ADARB2: variants seen among roughly 807,000 people sequenced by gnomAD.
ADARB2 encodes adenosine deaminase RNA specific B2 (inactive).
ADARB2 carries 25 observed loss-of-function variants against 62.2 expected under a neutral mutation model. The observed-to-expected ratio is 0.40, with a 90% CI of 0.29 to 0.56. The LOEUF (loss-of-function observed/expected upper bound fraction) is 0.56, where lower values mean the gene tolerates loss of function less well. ADARB2 is among the 20% of genes least tolerant of loss of function. ADARB2 has a pLI of 0.43. For missense variants in ADARB2, 1,071 were observed against 1,077.4 expected, an observed-to-expected ratio of 0.99 and a Z score of 0.08; for synonymous variants, 572 against 500.8, an observed-to-expected ratio of 1.14 and a Z score of -1.90.
chr10:1,524,889 C>A (rs904157494), intron 1 of ADARB2, among the ~76,000 whole-genome samples: 1 of 152,146 alleles, frequency 6.6e-6, no homozygotes, highest in Non-Finnish European at 1.5e-5. Context: ...ATGAAATACA[C>A]AGAAAATAGT....
intron 1 of ADARB2, among the ~76,000 whole-genome samples, chr10:1,614,682 C>G (rs1050617995): frequency 6.6e-6 from 1 of 152,130 alleles, no homozygotes; most frequent in Admixed American, 6.5e-5. Flanking sequence ...GAGGCCGAGG[C>G]GGGCGGATCA....
intron 6 of ADARB2, among the ~76,000 whole-genome samples, chr10:1,233,323 A>C (rs369434741): frequency 9.2e-5 from 14 of 152,136 alleles, no homozygotes; most frequent in African/African-American, 3.4e-4. Flanking sequence ...TTCCTCCCCA[A>C]CGCTGTGAGC....
chr10:1,694,589 G>T (rs11250736), intron 1 of ADARB2, among the ~76,000 whole-genome samples: 10,615 of 152,222 alleles, frequency 0.07, 432 homozygotes, highest in East Asian at 0.2. Flanking sequence ...GGGGAATGGT[G>T]GGGTCTGACT....
chr10:1,191,012 T>A (rs1245951722), intron 8 of ADARB2, among the ~76,000 whole-genome samples: 1 of 150,434 alleles, frequency 6.6e-6, no homozygotes, highest in African/African-American at 2.5e-5. Flanking sequence ...GTTTGCACGC[T>A]CTGGGCCCCA....
chr10:1,376,766 G>A (rs970794187), intron 2 of ADARB2, among the ~76,000 whole-genome samples: 5 of 151,644 alleles, frequency 3.3e-5, no homozygotes, highest in African/African-American at 7.3e-5. Context: ...AGCTCCAGCC[G>A]GGATCCCAGC....
Position 1,477,197 on chromosome 10 carries a change from T to A in ADARB2, c.101-98037A>T, listed in dbSNP as rs545213905. 2.0e-5 allele frequency among the ~76,000 whole-genome samples: 3 copies of A among 152,204 alleles called. No homozygotes were observed. In the South Asian group the frequency reaches 6.2e-4, roughly 32 times the overall value. On this transcript the variant is annotated intron_variant, in intron 1 of 9. Transcript: ENST00000381312. This position sits in a 1 kb window ranked among gnomAD's most constrained non-coding sequence, Gnocchi z 4.5. ...TGACCCATGGCTAACACCACTTCCT[T>A]ACAGGAGAAGTGACTGCACTGATCA... is the stretch of plus-strand genomic sequence containing the variant.
chr10:1,196,206 C>CTTTTTTT (rs10665720), intron 8 of ADARB2, among the ~76,000 whole-genome samples: 1 of 120,928 alleles, frequency 8.3e-6, no homozygotes, highest in African/African-American at 3.2e-5. Context: ...CTTCTTTTGC[C>CTTTTTTT]TTTTTTTTTT....
chr10:1,199,704 A>T, intron 8 of ADARB2: 1 of 408,346 alleles, frequency 2.4e-6, no homozygotes, highest in Non-Finnish European at 4.3e-6. Context: ...TTCTGTTTTC[A>T]GAACTCCTTC....
At chr10:1,262,880 C>G (rs954000940) in intron 4 of ADARB2, among the ~76,000 whole-genome samples, 13 of 152,072 alleles carry the variant, frequency 8.5e-5, no homozygotes, top group African/African-American at 3.1e-4. Context: ...TGGAACCAAG[C>G]CATATGTCCA....
intron 1 of ADARB2, among the ~76,000 whole-genome samples, chr10:1,593,505 T>C (rs1308804098): frequency 6.6e-6 from 1 of 152,268 alleles, no homozygotes; most frequent in East Asian, 1.9e-4. Context: ...TTTAGGTGAC[T>C]GGTAATTAGA....
chr10:1,712,702 G>A (rs1471901548), intron 1 of ADARB2, among the ~76,000 whole-genome samples: 8 of 143,164 alleles, frequency 5.6e-5, no homozygotes, highest in East Asian at 2.1e-4. Flanking sequence ...TCTGCCTCCC[G>A]GGTTCACGCC....
chr10:1,621,005 C>T (rs2132026799), intron 1 of ADARB2, among the ~76,000 whole-genome samples: 1 of 152,308 alleles, frequency 6.6e-6, no homozygotes, highest in Middle Eastern at 3.4e-3. Flanking sequence ...CAGCTCCATC[C>T]TTAGTCATGA....
At chr10:1,549,021 A>T (rs2131976085) in intron 1 of ADARB2, among the ~76,000 whole-genome samples, 1 of 152,274 alleles carries the variant, frequency 6.6e-6, no homozygotes, top group African/African-American at 2.4e-5. Flanking sequence ...TTGAGTTGCC[A>T]ACTACAAGAT....
At chr10:1,455,980 C>G (rs1468120706) in intron 1 of ADARB2, among the ~76,000 whole-genome samples, 1 of 152,158 alleles carries the variant, frequency 6.6e-6, no homozygotes, top group East Asian at 1.9e-4. Context: ...CGAACTCATG[C>G]ATAGAAGAGT....
intron 1 of ADARB2, among the ~76,000 whole-genome samples, chr10:1,470,538 C>A (rs1831307982): frequency 6.6e-6 from 1 of 152,210 alleles, no homozygotes; most frequent in Admixed American, 6.5e-5. Context: ...AAGGGCTCTT[C>A]CCCTGACTGC....
At chr10:1,654,957 A>G (rs1834155847) in intron 1 of ADARB2, among the ~76,000 whole-genome samples, 1 of 152,208 alleles carries the variant, frequency 6.6e-6, no homozygotes, top group South Asian at 2.1e-4. Context: ...GGAATGCCAG[A>G]GTCACATTCA....
At chr10:1,445,212 C>G (rs567920490) in intron 1 of ADARB2, among the ~76,000 whole-genome samples, 1 of 150,564 alleles carries the variant, frequency 6.6e-6, no homozygotes, top group African/African-American at 2.4e-5. Flanking sequence ...CATCCATCCA[C>G]ACACCCATCC....
intron 1 of ADARB2, among the ~76,000 whole-genome samples, chr10:1,701,764 T>C (rs61831993): frequency 0.011 from 80 of 7,530 alleles, no homozygotes; most frequent in East Asian, 0.033. Context: ...CAGGCGCTAG[T>C]CAATACACGC....
chr10:1,514,805 A>G (rs1831988429), intron 1 of ADARB2, among the ~76,000 whole-genome samples: 1 of 152,152 alleles, frequency 6.6e-6, no homozygotes, highest in Non-Finnish European at 1.5e-5. Flanking sequence ...CTTTATGAAG[A>G]GGTTTTTACA....
Sources: allele counts gnomAD v4.1 joint callset (sites outside exome capture counted in the v4.1 genomes callset), GRCh38; gene constraint gnomAD v4.1.1; non-coding constraint Gnocchi (gnomAD v3.1); transcripts MANE v1.5; gene names NCBI Gene and HGNC (gene_info 2026-07-23, HGNC 2026-07-21).